Variants in DPP6 observed in about 807,000 individuals in gnomAD.
DPP6 encodes dipeptidyl peptidase like 6.
Under a neutral mutation model 122.6 loss-of-function variants are expected in DPP6, and 69 were observed. That is an observed-to-expected ratio of 0.56 (90% CI 0.46 to 0.69). DPP6 has a LOEUF of 0.69. DPP6 is among the 30% of genes least tolerant of loss of function. The probability of loss-of-function intolerance (pLI) is 0.00; values close to 1 mark genes in which losing one functional copy is unlikely to be tolerated. For missense variants in DPP6, 928 were observed against 1,116.9 expected, an observed-to-expected ratio of 0.83 and a Z score of 2.41; for synonymous variants, 418 against 433.1, an observed-to-expected ratio of 0.97 and a Z score of 0.43.
At chr7:154,285,209 T>A (rs1013733824) in intron 1 of DPP6, among the ~76,000 whole-genome samples, 3 of 152,234 alleles carry the variant, frequency 2.0e-5, no homozygotes, top group African/African-American at 7.2e-5. Flanking sequence ...ATTTTAATTA[T>A]ACACTGAATT....
Position 154,602,260 on chromosome 7 carries a change from C to T in DPP6, c.627+35344C>T, listed in dbSNP as rs996564349. On this transcript the variant is annotated intron_variant, in intron 5 of 25. Transcript: ENST00000377770. The stretch of plus-strand genomic sequence containing the variant: ...GTAAAAGCCTACAGCAGTATTCTTC[C>T]ATCATTTCACCATACCATCCTTTCT... 2.5e-5 allele frequency among the ~76,000 whole-genome samples: 3 copies of T among 120,860 alleles called. 1 individual carries two copies. The Admixed American group carries it at 2.8e-4, about 11-fold the overall frequency. 79.3% of individuals were successfully genotyped at this position (120,860 alleles called of 152,430 possible).
chr7:154,441,043 C>T (rs529607019), intron 1 of DPP6, among the ~76,000 whole-genome samples: 6 of 152,298 alleles, frequency 3.9e-5, no homozygotes, highest in South Asian at 4.1e-4. Flanking sequence ...GAAACAAACA[C>T]GTCATGGGAT....
chr7:153,813,913 T>C, the DPP6 span, among the ~76,000 whole-genome samples: 44,378 of 151,920 alleles, frequency 0.29, 6,846 homozygotes, highest in East Asian at 0.37. Context: ...TTGTAGATTC[T>C]GGATATTAGC....
chr7:154,308,082 G>A (rs761885931), intron 1 of DPP6, among the ~76,000 whole-genome samples: 1 of 151,950 alleles, frequency 6.6e-6, no homozygotes, highest in Non-Finnish European at 1.5e-5. Flanking sequence ...TGCCATCTCC[G>A]ACATCCTTCC....
At chr7:154,679,327 A>T (rs2131158508) in intron 7 of DPP6, among the ~76,000 whole-genome samples, 1 of 152,310 alleles carries the variant, frequency 6.6e-6, no homozygotes, top group East Asian at 1.9e-4. Flanking sequence ...AGGTGACAGC[A>T]ATTCCCCTAC....
chr7:154,062,840 C>T (rs1802204945), intron 1 of DPP6, among the ~76,000 whole-genome samples: 1 of 130,402 alleles, frequency 7.7e-6, no homozygotes, highest in East Asian at 2.3e-4. Flanking sequence ...GAGGCGGGGA[C>T]TGCGAGCCAG....
At chr7:153,793,359 T>G in the DPP6 span, among the ~76,000 whole-genome samples, 1 of 143,964 alleles carries the variant, frequency 6.9e-6, no homozygotes, top group East Asian at 2.0e-4. Flanking sequence ...ACTCTTGTTG[T>G]GTTTTAGCAA....
intron 16 of DPP6, among the ~76,000 whole-genome samples, chr7:154,808,789 A>G (rs1798854629): frequency 1.3e-5 from 2 of 152,228 alleles, no homozygotes; most frequent in African/African-American, 4.8e-5. Context: ...GAGGAGCTAC[A>G]TAATCAGAAT....
intron 10 of DPP6, among the ~76,000 whole-genome samples, chr7:154,776,062 C>T (rs1587102394): frequency 6.6e-6 from 1 of 151,884 alleles, no homozygotes; most frequent in Non-Finnish European, 1.5e-5. Context: ...CCACTGCTGA[C>T]CCCACACAGC....
intron 16 of DPP6, among the ~76,000 whole-genome samples, chr7:154,832,572 GCA>G (rs1396194648): frequency 9.2e-5 from 14 of 152,106 alleles, no homozygotes; most frequent in Non-Finnish European, 1.9e-4. Flanking sequence ...TCACGCGAGG[GCA>G]CACAGCTGAT....
intron 3 of DPP6, among the ~76,000 whole-genome samples, chr7:154,499,595 C>G (rs1293802572): frequency 6.6e-6 from 1 of 152,008 alleles, no homozygotes; most frequent in Non-Finnish European, 1.5e-5. Flanking sequence ...GACACCACAC[C>G]TTTTCATTTA....
At chr7:153,828,570 C>A in the DPP6 span, among the ~76,000 whole-genome samples, 1 of 152,058 alleles carries the variant, frequency 6.6e-6, no homozygotes, top group African/African-American at 2.4e-5. Context: ...TAGGATAAAA[C>A]TTTTAATTAG....
exon 1 of DPP6, chr7:153,887,455 T>C (rs1798979970): frequency 2.1e-6 from 1 of 471,466 alleles, no homozygotes; most frequent in Non-Finnish European, 3.8e-6. Flanking sequence ...TCTTTCTTTC[T>C]TTATTGGTAG....
intron 1 of DPP6, among the ~76,000 whole-genome samples, chr7:154,174,692 TA>T (rs57800094): frequency 0.015 from 2,218 of 152,304 alleles, 25 homozygotes; most frequent in South Asian, 0.045. Flanking sequence ...TCTCCAAGGT[TA>T]AACAATTTAT....
chr7:154,173,392 C>T (rs1466914678), intron 1 of DPP6, among the ~76,000 whole-genome samples: 1 of 152,182 alleles, frequency 6.6e-6, no homozygotes, highest in African/African-American at 2.4e-5. Context: ...GCCCTGGCTC[C>T]TCCCTCAGGG....
intron 21 of DPP6, chr7:154,884,918 T>TCA (rs1259694384): frequency 6.6e-6 from 1 of 152,430 alleles, no homozygotes; most frequent in Admixed American, 6.5e-5. Context: ...CCCCATATAC[T>TCA]CACACACACG....
At chr7:154,101,739 T>G (rs1382764271) in intron 1 of DPP6, among the ~76,000 whole-genome samples, 1 of 151,086 alleles carries the variant, frequency 6.6e-6, no homozygotes, top group Admixed American at 6.6e-5. Flanking sequence ...ACAAGCCTGG[T>G]CAACATGGTG....
chr7:154,835,420 G>A (rs771515372), intron 16 of DPP6, among the ~76,000 whole-genome samples: 14 of 152,132 alleles, frequency 9.2e-5, no homozygotes, highest in Middle Eastern at 3.2e-3. Flanking sequence ...TAAGCTGCCC[G>A]GTCTGTGGGA....
intron 1 of DPP6, among the ~76,000 whole-genome samples, chr7:154,230,928 G>A (rs1282765398): frequency 2.0e-5 from 3 of 152,166 alleles, no homozygotes; most frequent in African/African-American, 7.2e-5. Context: ...ATGATAATAT[G>A]CATTTTTGCA....
Sources: allele counts gnomAD v4.1 joint callset (sites outside exome capture counted in the v4.1 genomes callset), GRCh38; gene constraint gnomAD v4.1.1; transcripts MANE v1.5; gene names NCBI Gene and HGNC (gene_info 2026-07-23, HGNC 2026-07-21).